Variants in STXBP5L observed in about 807,000 individuals in gnomAD.
STXBP5L encodes syntaxin binding protein 5L.
Under a neutral mutation model 144.5 loss-of-function variants are expected in STXBP5L, and 65 were observed. The observed-to-expected ratio is 0.45, with a 90% CI of 0.37 to 0.55. STXBP5L has a LOEUF of 0.55. STXBP5L is among the 20% of genes least tolerant of loss of function. The pLI, the probability that STXBP5L is intolerant of heterozygous loss-of-function variation, is 0.00. For missense variants in STXBP5L, 1,298 were observed against 1,405.5 expected, an observed-to-expected ratio of 0.92 and a Z score of 1.22; for synonymous variants, 505 against 469.6, an observed-to-expected ratio of 1.08 and a Z score of -0.97.
At chr3:121,338,516 G>A (rs1336228760) in intron 20 of STXBP5L, among the ~76,000 whole-genome samples, 3 of 145,874 alleles carry the variant, frequency 2.1e-5, no homozygotes, top group South Asian at 2.1e-4. Flanking sequence ...TGGTGGTGCC[G>A]CCTGTAATCC....
intron 10 of STXBP5L, among the ~76,000 whole-genome samples, chr3:121,221,827 G>T (rs1341481073): frequency 6.6e-6 from 1 of 151,332 alleles, no homozygotes; most frequent in Non-Finnish European, 1.5e-5. Context: ...ATTATAAATA[G>T]AAAATAATAC....
intron 5 of STXBP5L, among the ~76,000 whole-genome samples, chr3:121,105,395 A>AAAATAAATAAAT (rs573583424): frequency 1.3e-4 from 20 of 149,844 alleles, no homozygotes; most frequent in Admixed American, 5.4e-4. Context: ...ACTCTGTCTC[A>AAAATAAATAAAT]AAATAAATAA....
In STXBP5L at chr3:121,154,512, A is replaced by G. The variant is rs190278798; in HGVS notation, c.753+1952A>G. 1.5e-3 allele frequency among the ~76,000 whole-genome samples: 222 copies of G among 151,702 alleles called. 1 individual carries two copies. The highest frequency in any genetic ancestry group is 5.0e-3 in the African/African-American group (207 of 41,444). The stretch of plus-strand genomic sequence containing the variant: ...TCTGTGTCTTTCCACCTCATTTATC[A>G]TGCACCTTTTTCCATAACTGATTTT... On this transcript the variant is annotated intron_variant, in intron 8 of 26. Transcript: ENST00000471454.
intron 5 of STXBP5L, among the ~76,000 whole-genome samples, chr3:121,077,793 C>A (rs2042083101): frequency 6.6e-6 from 1 of 152,160 alleles, no homozygotes; most frequent in Non-Finnish European, 1.5e-5. Flanking sequence ...CAAAGGTTCT[C>A]CAAGTCCCCA....
chr3:121,351,991 T>C lies in STXBP5L; in HGVS notation c.2177-26725T>C, dbSNP rs548709468. Among the ~76,000 whole-genome samples, 228 of 152,218 alleles carry C rather than the reference T, an allele frequency of 1.5e-3. 3 individuals carry two copies. The highest frequency in any genetic ancestry group is 6.8e-3 in the Middle Eastern group (2 of 294). On this transcript the variant is annotated intron_variant, in intron 20 of 26. Transcript: ENST00000471454. ...TCAGGTTTGTCAAAGATCAGATGATTGTAGATGTGTAGTGTTATTTCTGAG... is the reference window on the plus strand; with the variant it reads ...TCAGGTTTGTCAAAGATCAGATGATCGTAGATGTGTAGTGTTATTTCTGAG...
intron 7 of STXBP5L, among the ~76,000 whole-genome samples, chr3:121,140,224 C>T (rs1339414845): frequency 2.0e-5 from 3 of 152,062 alleles, no homozygotes; most frequent in Admixed American, 1.3e-4. Flanking sequence ...CACCTCACCT[C>T]ATTTAGAATT....
intron 7 of STXBP5L, among the ~76,000 whole-genome samples, chr3:121,147,446 T>C (rs1369956281): frequency 1.3e-5 from 2 of 152,160 alleles, no homozygotes; most frequent in Non-Finnish European, 2.9e-5. Context: ...CAAAAACTTG[T>C]GCAATGTAGC....
At chr3:121,087,908 T>C (rs1364613193) in intron 5 of STXBP5L, among the ~76,000 whole-genome samples, 2 of 152,102 alleles carry the variant, frequency 1.3e-5, no homozygotes, top group African/African-American at 4.8e-5. Context: ...CTGCTACAAA[T>C]TACCAGTTTG....
chr3:121,165,738 C>G lies in STXBP5L; in HGVS notation c.877+8111C>G, dbSNP rs190529926. ...AGATTGGACCCCAGGTTACCACTCC[C>G]AAACAGAAGAGGTCAGGCTCCTCCC... On this transcript the variant is annotated intron_variant, in intron 9 of 26. Transcript: ENST00000471454. 1.7e-3 allele frequency among the ~76,000 whole-genome samples: 266 copies of G among 152,140 alleles called. 1 individual carries two copies. Among genetic ancestry groups the G allele is most frequent in the African/African-American group, 5.6e-3 (232 of 41,526 alleles).
intron 3 of STXBP5L, among the ~76,000 whole-genome samples, chr3:120,994,549 A>G (rs1365193677): frequency 1.3e-5 from 2 of 152,024 alleles, no homozygotes; most frequent in Non-Finnish European, 2.9e-5. Flanking sequence ...AGATGATCAT[A>G]TGATTTGTGT....
chr3:121,004,803 G>C (rs185490367), intron 3 of STXBP5L, among the ~76,000 whole-genome samples: 2,414 of 152,300 alleles, frequency 0.016, 34 homozygotes, highest in Non-Finnish European at 0.028. Context: ...CATCTATTGA[G>C]ATAATCATGT....
At chr3:121,091,525 G>A (rs1027187938) in intron 5 of STXBP5L, among the ~76,000 whole-genome samples, 69 of 152,234 alleles carry the variant, frequency 4.5e-4, no homozygotes, top group African/African-American at 1.3e-3. Flanking sequence ...TTCTCTGATG[G>A]CCAGTGATGG....
At chr3:121,054,306 G>A (rs1165257608) in intron 5 of STXBP5L, among the ~76,000 whole-genome samples, 1 of 152,004 alleles carries the variant, frequency 6.6e-6, no homozygotes, top group Non-Finnish European at 1.5e-5. Flanking sequence ...GTTTATTGTG[G>A]CACTATTCAC....
intron 5 of STXBP5L, among the ~76,000 whole-genome samples, chr3:121,073,436 T>A (rs2041890450): frequency 6.6e-6 from 1 of 152,212 alleles, no homozygotes; most frequent in East Asian, 1.9e-4. Flanking sequence ...GTTAGCATCT[T>A]CCACTAACAG....
intron 20 of STXBP5L, among the ~76,000 whole-genome samples, chr3:121,343,117 CTG>C (rs1491393259): frequency 3.3e-5 from 5 of 152,102 alleles, no homozygotes; most frequent in African/African-American, 7.2e-5. Flanking sequence ...GCATTTTTTC[CTG>C]TGTTTTTTGG....
At chr3:121,407,157 T>G in intron 22 of STXBP5L, 86 bp from the exon 23 acceptor site, 1 of 1,468,152 alleles carries the variant, frequency 6.8e-7, no homozygotes, top group Non-Finnish European at 9.1e-7. Flanking sequence ...TCTATAGGTA[T>G]AAATTATCAC....
At chr3:121,088,984 C>A (rs2042632461) in intron 5 of STXBP5L, among the ~76,000 whole-genome samples, 1 of 109,460 alleles carries the variant, frequency 9.1e-6, no homozygotes, top group Non-Finnish European at 1.8e-5. Context: ...GGAGATATAC[C>A]TAATGCTAGA....
intron 19 of STXBP5L, among the ~76,000 whole-genome samples, chr3:121,291,476 C>G (rs902983426): frequency 6.6e-6 from 1 of 152,056 alleles, no homozygotes; most frequent in Non-Finnish European, 1.5e-5. Flanking sequence ...AATGACCATG[C>G]TATCAAAAGC....
At chr3:120,959,282 C>A (rs551889493) in intron 3 of STXBP5L, among the ~76,000 whole-genome samples, 1 of 152,302 alleles carries the variant, frequency 6.6e-6, no homozygotes, top group African/African-American at 2.4e-5. Flanking sequence ...ACATTCCATG[C>A]TCATGGTTAG....
Sources: gnomAD v4.1 joint callset for allele counts (sites outside exome capture counted in the v4.1 genomes callset) on GRCh38, gnomAD v4.1.1 for gene constraint, MANE v1.5 for transcripts, NCBI Gene and HGNC (gene_info 2026-07-23, HGNC 2026-07-21) for gene names.